The following NRG3 variants were observed in gnomAD, a reference collection of about 807,000 sequenced individuals.
The protein encoded by NRG3 is neuregulin 3, also known as pro-neuregulin-3, membrane-bound isoform.
In NRG3, 31 loss-of-function variants were observed where a neutral mutation model predicts 66.9. That is an observed-to-expected ratio of 0.46 (90% CI 0.35 to 0.63). The LOEUF is 0.63. NRG3 is among the 20% of genes least tolerant of loss of function. The probability of loss-of-function intolerance (pLI) is 0.00; values close to 1 mark genes in which losing one functional copy is unlikely to be tolerated. For synonymous variants in NRG3, 393 were observed against 359.4 expected (o/e 1.09, Z -1.06); for missense variants, 910 against 878.9 (o/e 1.04, Z -0.45).
At chr10:82,383,226 A>G (rs951933740) in intron 2 of NRG3, among the ~76,000 whole-genome samples, 2 of 151,892 alleles carry the variant, frequency 1.3e-5, no homozygotes, top group African/African-American at 4.8e-5. Flanking sequence ...TTTCTTTTCT[A>G]TAATTCAGGA....
intron 2 of NRG3, among the ~76,000 whole-genome samples, chr10:82,607,083 A>G (rs939641226): frequency 6.6e-5 from 10 of 152,038 alleles, no homozygotes; most frequent in African/African-American, 2.4e-4. Flanking sequence ...TGCAACTCCC[A>G]CTGTTTCAGT....
At chr10:82,403,469 T>G (rs561528127) in intron 2 of NRG3, among the ~76,000 whole-genome samples, 2 of 152,296 alleles carry the variant, frequency 1.3e-5, no homozygotes, top group South Asian at 2.1e-4. Context: ...AATTTATAGA[T>G]TATGTGTCAC....
At chr10:82,712,681 C>T (rs2056744282) in intron 2 of NRG3, among the ~76,000 whole-genome samples, 1 of 152,108 alleles carries the variant, frequency 6.6e-6, no homozygotes, top group Non-Finnish European at 1.5e-5. Flanking sequence ...GGGCAGGGCT[C>T]ACTGGAGCCT....
chr10:82,270,025 T>TA (rs1016070019), intron 1 of NRG3, among the ~76,000 whole-genome samples: 1 of 152,138 alleles, frequency 6.6e-6, no homozygotes, highest in African/African-American at 2.4e-5. Context: ...GATTTTCTTG[T>TA]AAAAACGACA....
At chr10:82,545,046 T>G (rs1327814800) in intron 2 of NRG3, among the ~76,000 whole-genome samples, 1 of 152,134 alleles carries the variant, frequency 6.6e-6, no homozygotes, top group Non-Finnish European at 1.5e-5. Flanking sequence ...CCACCTGAAA[T>G]CTATCCCATT....
At chr10:82,912,557 G>A (rs1845421188) in intron 4 of NRG3, among the ~76,000 whole-genome samples, 1 of 152,010 alleles carries the variant, frequency 6.6e-6, no homozygotes, top group Non-Finnish European at 1.5e-5. Context: ...TTTAAAGTGA[G>A]TTTCCTAAAG....
chr10:82,265,088 GAAT>G (rs1356895502), intron 1 of NRG3, among the ~76,000 whole-genome samples: 1 of 152,110 alleles, frequency 6.6e-6, no homozygotes, highest in East Asian at 1.9e-4. Context: ...TGTGGGGAGA[GAAT>G]AAAAGGTGTG....
At chr10:82,508,120 G>T (rs1844847468) in intron 2 of NRG3, among the ~76,000 whole-genome samples, 1 of 152,158 alleles carries the variant, frequency 6.6e-6, no homozygotes, top group African/African-American at 2.4e-5. Flanking sequence ...TTTCCCACAA[G>T]AAATCAATAT....
intron 4 of NRG3, among the ~76,000 whole-genome samples, chr10:82,921,976 A>C (rs541089011): frequency 6.0e-4 from 91 of 152,234 alleles, no homozygotes; most frequent in Admixed American, 5.5e-3. Context: ...TGGACATTAA[A>C]GTATTTTGTA....
intron 1 of NRG3, among the ~76,000 whole-genome samples, chr10:82,055,562 T>C (rs1217079675): frequency 1.3e-5 from 2 of 151,204 alleles, no homozygotes; most frequent in African/African-American, 4.9e-5. Flanking sequence ...AAAGAGAAAA[T>C]GGAAAAAGGC....
At chr10:82,092,930 G>C (rs1045746241) in intron 1 of NRG3, among the ~76,000 whole-genome samples, 15 of 152,120 alleles carry the variant, frequency 9.9e-5, no homozygotes, top group African/African-American at 3.4e-4. Context: ...AACATGAAGT[G>C]CATATTACTT....
intron 2 of NRG3, among the ~76,000 whole-genome samples, chr10:82,461,406 G>A (rs1264619689): frequency 6.6e-6 from 1 of 152,060 alleles, no homozygotes. Context: ...TGTGTGTCAA[G>A]CTTCCTCTCC....
intron 2 of NRG3, among the ~76,000 whole-genome samples, chr10:82,479,778 T>TA (rs1842100620): frequency 6.6e-6 from 1 of 150,744 alleles, no homozygotes; most frequent in African/African-American, 2.4e-5. Context: ...CCATCCTGGC[T>TA]AACATGGTAA....
chr10:82,529,045 A>C (rs1476390921), intron 2 of NRG3, among the ~76,000 whole-genome samples: 1 of 152,212 alleles, frequency 6.6e-6, no homozygotes, highest in African/African-American at 2.4e-5. Flanking sequence ...TTTGACTTTT[A>C]GCTTCCAATA....
intron 1 of NRG3, among the ~76,000 whole-genome samples, chr10:82,128,587 G>T (rs10490933): frequency 0.021 from 3,126 of 152,080 alleles, 134 homozygotes; most frequent in East Asian, 0.14. Context: ...GAACAAATTT[G>T]CAGAGAACAT....
chr10:82,456,000 C>T (rs556905148), intron 2 of NRG3, among the ~76,000 whole-genome samples: 2 of 152,216 alleles, frequency 1.3e-5, no homozygotes, highest in Admixed American at 6.5e-5. Context: ...TACATTTAAA[C>T]TTTTAAATTG....
chr10:81,963,770 C>CAGCT (rs1197928393), intron 1 of NRG3, among the ~76,000 whole-genome samples: 1 of 152,164 alleles, frequency 6.6e-6, no homozygotes, highest in African/African-American at 2.4e-5. Flanking sequence ...TGTAACCTTA[C>CAGCT]AGCTCCGTGG....
In NRG3 at chr10:82,384,196, G is replaced by A. The variant is rs191426238; in HGVS notation, c.953+25328G>A. On this transcript the variant is annotated intron_variant, in intron 2 of 8. Coordinates refer to ENST00000372141, the MANE Select transcript of NRG3 (RefSeq NM_001010848.4). ...TGATTTTTTTCTCCATTTGAAAAAT[G>A]TCTTTAAGTTGTTTGGGTTTTTCTT... is the stretch of plus-strand genomic sequence containing the variant. Among the ~76,000 whole-genome samples, 817 of 151,930 alleles carry A rather than the reference G, an allele frequency of 5.4e-3. 7 individuals carry two copies. Among genetic ancestry groups the A allele is most frequent in the African/African-American group, 0.019 (795 of 41,470 alleles).
At chr10:82,617,950 T>C (rs1427219953) in intron 2 of NRG3, among the ~76,000 whole-genome samples, 1 of 152,170 alleles carries the variant, frequency 6.6e-6, no homozygotes, top group Non-Finnish European at 1.5e-5. Flanking sequence ...AGAATGTAGC[T>C]TCTCATGAAC....
Sources: allele counts gnomAD v4.1 joint callset (sites outside exome capture counted in the v4.1 genomes callset), GRCh38; gene constraint gnomAD v4.1.1; transcripts MANE v1.5; gene names NCBI Gene and HGNC (gene_info 2026-07-23, HGNC 2026-07-21).